The following CEP43 variants were observed in gnomAD, a reference collection of about 807,000 sequenced individuals.
CEP43 encodes the protein centrosomal protein 43.
A neutral mutation model predicts 52.6 loss-of-function variants in CEP43; 36 were observed. That is an observed-to-expected ratio of 0.68 (90% confidence interval 0.52 to 0.90). The LOEUF (loss-of-function observed/expected upper bound fraction) is 0.90, where lower values mean the gene tolerates loss of function less well. Ranked by LOEUF, CEP43 falls within the 40% of genes least tolerant of loss-of-function variation. The pLI is 0.00. For missense variants in CEP43, 506 were observed against 472.8 expected (o/e 1.07, Z -0.65); for synonymous variants, 192 against 172.4 (o/e 1.11, Z -0.89).
rs1780734816 is a variant in CEP43, at chr6:167,043,173, T to G, written c.*3195T>G. 2 of 152,136 alleles carry G rather than the reference T, an allele frequency of 1.3e-5. No individual in the cohort carries two copies. The highest frequency in any genetic ancestry group is 4.1e-4 in the South Asian group (2 of 4,822). 9.4% of individuals were successfully genotyped at this position (152,136 alleles called of 1,614,324 possible). The stretch of plus-strand genomic sequence containing the variant: ...GAAGGAGGTGCCCTCTGTGTGGCTC[T>G]GCTGTGGTGTTGGTTCATGAAGGAC... On this transcript the variant is annotated 3_prime_UTR_variant, in exon 13 of 13. Transcript: ENST00000366847.
intron 5 of CEP43, among the ~76,000 whole-genome samples, chr6:167,009,190 G>C (rs183588405): frequency 6.6e-6 from 1 of 152,130 alleles, no homozygotes; most frequent in East Asian, 1.9e-4. Flanking sequence ...TCAGGAGTAC[G>C]AGACCAGCCT....
chr6:167,025,702 C>G (rs1384421396), intron 9 of CEP43, among the ~76,000 whole-genome samples: 1 of 152,180 alleles, frequency 6.6e-6, no homozygotes, highest in Non-Finnish European at 1.5e-5. Context: ...TCTCTTAAAC[C>G]AGCCATGTAT....
intron 7 of CEP43, among the ~76,000 whole-genome samples, chr6:167,019,334 T>C (rs1408514735): frequency 3.3e-5 from 5 of 152,164 alleles, no homozygotes; most frequent in African/African-American, 1.2e-4. Context: ...ACACCTGCTG[T>C]GTACATGGAG....
At chr6:167,025,079 A>G (rs1780324887) in intron 9 of CEP43, 185 bp downstream of exon 9, 1 of 525,438 alleles carries the variant, frequency 1.9e-6, no homozygotes, top group Non-Finnish European at 3.4e-6. Context: ...CCTATTTTAT[A>G]TGTTGTTTTG....
Position 167,051,333 on chromosome 6 carries a change from C to G in CEP43, c.*11355C>G, listed in dbSNP as rs1395144806. ...ACCTGGTAGCCTTTCATTAGTTTTA[C>G]AAAGGCAGTTTAATTTTGGGGGGCA... On this transcript the variant is annotated 3_prime_UTR_variant, in exon 13 of 13. Coordinates refer to ENST00000366847, the MANE Select transcript of CEP43 (RefSeq NM_007045.4). 1 of 152,188 alleles carries G rather than the reference C, an allele frequency of 6.6e-6. No homozygotes were observed. The highest frequency in any genetic ancestry group is 1.5e-5 in the Non-Finnish European group (1 of 68,026). The allele number at this position is 152,188 out of a possible 1,614,324, so 9.4% of individuals were successfully genotyped here. A position where few individuals can be genotyped will look rare whatever the true frequency, so the allele number is the denominator to read the frequency against.
intron 7 of CEP43, among the ~76,000 whole-genome samples, chr6:167,021,525 A>G (rs1780230828): frequency 6.6e-6 from 1 of 152,154 alleles, no homozygotes; most frequent in Non-Finnish European, 1.5e-5. Context: ...TGTTTTCATT[A>G]TTATTATTAA....
At chr6:167,039,753 T>C (rs1780655108) in intron 12 of CEP43, 151 bp from the exon 13 acceptor site, 2 of 775,476 alleles carry the variant, frequency 2.6e-6, no homozygotes, top group Non-Finnish European at 4.3e-6. Context: ...CACCACATCT[T>C]CACTGACATT....
Position 167,032,650 on chromosome 6 carries a change from A to G in CEP43, c.1028+8A>G. 2.5e-6 allele frequency: 4 copies of G among 1,570,160 alleles called. No individual in the cohort carries two copies. Among genetic ancestry groups the G allele is most frequent in the Non-Finnish European group, 3.5e-6 (4 of 1,152,662 alleles). ...TGTTGATGATTTTAATAGGTAAGAA[A>G]AACTATTGGGCAAATATATAAATAT... On this transcript the variant is annotated splice_region_variant and intron_variant, in intron 11 of 12. Transcript: ENST00000366847.
chr6:166,999,615 G>A, intron 1 of CEP43, 101 bp downstream of exon 1: 2 of 888,450 alleles, frequency 2.3e-6, no homozygotes, highest in Non-Finnish European at 1.6e-6. Flanking sequence ...CCCTGGCGAG[G>A]GACCGGGGCC....
intron 2 of CEP43, among the ~76,000 whole-genome samples, chr6:167,001,972 A>G (rs1583265151): frequency 6.6e-6 from 1 of 152,260 alleles, no homozygotes; most frequent in East Asian, 1.9e-4. Flanking sequence ...AATTCCCTGA[A>G]CCAGCCTACC....
intron 7 of CEP43, among the ~76,000 whole-genome samples, chr6:167,019,213 G>C (rs1780169132): frequency 6.6e-6 from 1 of 152,142 alleles, no homozygotes; most frequent in Non-Finnish European, 1.5e-5. Context: ...AAGCGCTGTT[G>C]TGGGTTGAGC....
At chr6:167,025,080 T>C (rs1780324940) in intron 9 of CEP43, 186 bp downstream of exon 9, 1 of 522,342 alleles carries the variant, frequency 1.9e-6, no homozygotes, top group Non-Finnish European at 3.4e-6. Flanking sequence ...CTATTTTATA[T>C]GTTGTTTTGT....
intron 2 of CEP43, among the ~76,000 whole-genome samples, chr6:167,001,130 T>A (rs1779725547): frequency 6.6e-6 from 1 of 152,194 alleles, no homozygotes; most frequent in African/African-American, 2.4e-5. Context: ...ATCCTAACTT[T>A]ATGTCCTCCT....
At chr6:166,999,943 C>A (rs1583263216) in intron 1 of CEP43, 117 bp from the exon 2 acceptor site, 2 of 822,644 alleles carry the variant, frequency 2.4e-6, no homozygotes, top group Admixed American at 2.2e-5. Context: ...CGTTTCTGAC[C>A]TTTGCACCTG....
At chr6:167,018,894 C>G (rs1316577473) in intron 7 of CEP43, among the ~76,000 whole-genome samples, 1 of 152,054 alleles carries the variant, frequency 6.6e-6, no homozygotes, top group African/African-American at 2.4e-5. Flanking sequence ...TACAGATGGT[C>G]CCCAATGTTA....
intron 5 of CEP43, among the ~76,000 whole-genome samples, chr6:167,006,202 T>G (rs1779848144): frequency 6.6e-6 from 1 of 152,196 alleles, no homozygotes; most frequent in African/African-American, 2.4e-5. Context: ...CATCAGTGGA[T>G]TCAATTAACT....
At chr6:167,002,185 C>A (rs1779751939) in intron 2 of CEP43, among the ~76,000 whole-genome samples, 1 of 152,050 alleles carries the variant, frequency 6.6e-6, no homozygotes, top group South Asian at 2.1e-4. Flanking sequence ...TTCCTTGTGC[C>A]CCTTATGTAA....
At chr6:167,017,041 G>C (rs1229495522) in intron 7 of CEP43, among the ~76,000 whole-genome samples, 2 of 150,026 alleles carry the variant, frequency 1.3e-5, no homozygotes, top group East Asian at 3.9e-4. Flanking sequence ...TGTCGCCCAG[G>C]CTGGAGTGCA....
chr6:167,039,371 C>T (rs981480884), intron 12 of CEP43, among the ~76,000 whole-genome samples: 10 of 152,184 alleles, frequency 6.6e-5, no homozygotes, highest in Non-Finnish European at 8.8e-5. Context: ...TCAGGTGATC[C>T]GCCTGCCTCA....
Sources: allele counts gnomAD v4.1 joint callset (sites outside exome capture counted in the v4.1 genomes callset), GRCh38; gene constraint gnomAD v4.1.1; transcripts MANE v1.5; gene names NCBI Gene and HGNC (gene_info 2026-07-23, HGNC 2026-07-21).